The following BTBD1 variants were observed in gnomAD, a reference collection of about 807,000 sequenced individuals.
The protein encoded by BTBD1 is BTB/POZ domain-containing protein 1.
In BTBD1, 34 loss-of-function variants were observed where a neutral mutation model predicts 48.0. The observed-to-expected ratio is 0.71, with a 90% CI of 0.54 to 0.94. The LOEUF (loss-of-function observed/expected upper bound fraction) is 0.94, where lower values mean the gene tolerates loss of function less well. Ranked by LOEUF, BTBD1 falls within the 40% of genes least tolerant of loss-of-function variation. The probability of loss-of-function intolerance (pLI) is 0.00; values close to 1 mark genes in which losing one functional copy is unlikely to be tolerated. For synonymous variants in BTBD1, 261 were observed against 242.1 expected (o/e 1.08, Z -0.72); for missense variants, 543 against 625.6 (o/e 0.87, Z 1.41).
At chr15:83,057,537 T>G (rs1238935149) in intron 1 of BTBD1, among the ~76,000 whole-genome samples, 1 of 152,260 alleles carries the variant, frequency 6.6e-6, no homozygotes, top group Non-Finnish European at 1.5e-5. Flanking sequence ...TTCCTTGCCA[T>G]TATCTTCTGG....
intron 5 of BTBD1, among the ~76,000 whole-genome samples, chr15:83,025,567 ATAT>A (rs1398481596): frequency 6.6e-6 from 1 of 152,014 alleles, no homozygotes; most frequent in African/African-American, 2.4e-5. Flanking sequence ...CTACTACTTA[ATAT>A]TATGTTACTG....
chr15:83,050,296 TA>T, intron 2 of BTBD1, 118 bp from the exon 3 acceptor site: 1 of 569,280 alleles, frequency 1.8e-6, no homozygotes, highest in Non-Finnish European at 3.0e-6. Flanking sequence ...AATATCTACT[TA>T]AAATACACGC....
intron 4 of BTBD1, among the ~76,000 whole-genome samples, chr15:83,035,844 A>AT (rs1182496210): frequency 6.6e-6 from 1 of 151,994 alleles, no homozygotes; most frequent in Non-Finnish European, 1.5e-5. Context: ...AAAAAAGGAA[A>AT]TATTTCTAAC....
intron 6 of BTBD1, among the ~76,000 whole-genome samples, chr15:83,019,589 C>CT (rs1242041752): frequency 0.19 from 24,661 of 132,926 alleles, 2,619 homozygotes; most frequent in Non-Finnish European, 0.22. Flanking sequence ...AGCCTGGTGT[C>CT]TTTTTTTTTT....
At chr15:83,025,357 CAAAAAAAAAAAAA>C (rs767479917) in intron 5 of BTBD1, among the ~76,000 whole-genome samples, 1 of 64,176 alleles carries the variant, frequency 1.6e-5, no homozygotes, top group South Asian at 8.6e-4. Flanking sequence ...GACTCCATCA[CAAAAAAAAAAAAA>C]AAAAAAAAAA....
At chr15:83,065,020 A>G (rs912069519) in intron 1 of BTBD1, among the ~76,000 whole-genome samples, 8 of 152,180 alleles carry the variant, frequency 5.3e-5, no homozygotes, top group Non-Finnish European at 7.3e-5. Flanking sequence ...TGTTTGTTCC[A>G]TGTCTTTTCA....
At chr15:83,030,059 C>A in intron 5 of BTBD1, 77 bp downstream of exon 5, 1 of 1,218,214 alleles carries the variant, frequency 8.2e-7, no homozygotes, top group Middle Eastern at 2.3e-4. Flanking sequence ...GGTTAATTAT[C>A]TCCCATAATA....
In BTBD1 at chr15:83,066,845, C is replaced by T. The variant is rs764983453; in HGVS notation, c.307G>A (p.Val103Ile). The change falls in exon 1 of 8, where the codon GTC becomes ATC. Residue 103 changes from valine (V) to isoleucine (I), a missense_variant. Val to Ile is a conservative substitution (Grantham distance 29). This residue lies in a region of BTBD1 where 173 missense variants were observed against 163.9 expected (regional missense o/e 1.06). Coordinates refer to ENST00000261721, the MANE Select transcript of BTBD1 (RefSeq NM_025238.4). ...CCGCCGTTGAACATGGCGTCAAAGACGGCGCTGCCGGCCGCCAGCACGAAG... is the reference window on the plus strand; with the variant it reads ...CCGCCGTTGAACATGGCGTCAAAGATGGCGCTGCCGGCCGCCAGCACGAAG... ...HRFVLAAGSA[V>I]FDAMFNGGMA... The T allele has an allele frequency of 9.7e-6, 14 of 1,446,720 alleles. No individual in the cohort carries two copies. 89.6% of individuals were successfully genotyped at this position (1,446,720 alleles called of 1,614,324 possible).
intron 2 of BTBD1, among the ~76,000 whole-genome samples, chr15:83,054,986 G>A (rs953786293): frequency 9.2e-5 from 14 of 152,088 alleles, no homozygotes; most frequent in South Asian, 4.2e-4. Flanking sequence ...TAATTTTCCC[G>A]TTTGTAAAAT....
chr15:83,058,718 A>T (rs115467922), intron 1 of BTBD1, among the ~76,000 whole-genome samples: 134 of 152,336 alleles, frequency 8.8e-4, no homozygotes, highest in African/African-American at 3.1e-3. Context: ...AAAAATTACT[A>T]GAGTTGTAAA....
chr15:83,041,587 G>A (rs2032760903), intron 4 of BTBD1, 141 bp downstream of exon 4: 9 of 700,232 alleles, frequency 1.3e-5, no homozygotes, highest in Non-Finnish European at 2.0e-5. Flanking sequence ...TGACAAGGCT[G>A]GTGTCGAACT....
intron 4 of BTBD1, among the ~76,000 whole-genome samples, chr15:83,033,915 A>G (rs1386950429): frequency 6.6e-6 from 1 of 151,942 alleles, no homozygotes; most frequent in Non-Finnish European, 1.5e-5. Context: ...TTAAAAATCA[A>G]TAAGGATATA....
intron 3 of BTBD1, 140 bp from the exon 4 acceptor site, chr15:83,042,065 T>G: frequency 1.5e-6 from 1 of 660,532 alleles, no homozygotes. Flanking sequence ...ACTTTATACT[T>G]TAAAATACTA....
intron 3 of BTBD1, 85 bp downstream of exon 3, chr15:83,049,988 A>G: frequency 1.3e-6 from 1 of 745,052 alleles, no homozygotes; most frequent in Non-Finnish European, 2.2e-6. Context: ...CCACTGATTT[A>G]AAAATAGCCC....
At chr15:83,046,548 C>T (rs1345954695) in intron 3 of BTBD1, among the ~76,000 whole-genome samples, 2 of 152,144 alleles carry the variant, frequency 1.3e-5, no homozygotes, top group African/African-American at 2.4e-5. Context: ...TCCCAGGCTC[C>T]AACGGCATGC....
At chr15:83,032,307 C>T (rs1220736500) in intron 4 of BTBD1, among the ~76,000 whole-genome samples, 7 of 151,320 alleles carry the variant, frequency 4.6e-5, no homozygotes, top group South Asian at 2.1e-4. Context: ...GGCAACACAG[C>T]GAGACTCTGT....
intron 4 of BTBD1, among the ~76,000 whole-genome samples, chr15:83,038,846 C>T (rs2032681366): frequency 6.6e-6 from 1 of 152,140 alleles, no homozygotes; most frequent in South Asian, 2.1e-4. Context: ...AAGAATGAAA[C>T]TGGACCCCTA....
chr15:83,023,694 G>C (rs963818573), intron 5 of BTBD1, among the ~76,000 whole-genome samples: 2 of 152,016 alleles, frequency 1.3e-5, no homozygotes, highest in Admixed American at 1.3e-4. Flanking sequence ...CCAGTCAAAA[G>C]GCACAGTCTT....
At chr15:83,059,374 C>T (rs1386488494) in intron 1 of BTBD1, among the ~76,000 whole-genome samples, 7 of 151,946 alleles carry the variant, frequency 4.6e-5, no homozygotes, top group African/African-American at 7.2e-5. Context: ...GGTGAAACCC[C>T]GACTCTACTA....
Sources: allele counts gnomAD v4.1 joint callset (sites outside exome capture counted in the v4.1 genomes callset), GRCh38; gene constraint gnomAD v4.1.1; regional missense constraint gnomAD v4.1.1; transcripts MANE v1.5; gene names NCBI Gene and HGNC (gene_info 2026-07-23, HGNC 2026-07-21).